The following DAPK1 variants were observed in gnomAD, a reference collection of about 807,000 sequenced individuals.
DAPK1 encodes the protein death associated protein kinase 1.
Under a neutral mutation model 144.9 loss-of-function variants are expected in DAPK1, and 56 were observed. That is an observed-to-expected ratio of 0.39 (90% confidence interval 0.31 to 0.48). DAPK1 has a LOEUF of 0.48. Ranked by LOEUF, DAPK1 falls within the 20% of genes least tolerant of loss-of-function variation. The probability of loss-of-function intolerance (pLI) is 0.95; values close to 1 mark genes in which losing one functional copy is unlikely to be tolerated. For synonymous variants in DAPK1, 690 were observed against 749.0 expected, an observed-to-expected ratio of 0.92 and a Z score of 1.29; for missense variants, 1,454 against 1,875.4, an observed-to-expected ratio of 0.78 and a Z score of 4.15.
At chr9:87,651,445 T>A in intron 16 of DAPK1, 82 bp from the exon 17 acceptor site, 1 of 1,390,020 alleles carries the variant, frequency 7.2e-7, no homozygotes, top group Non-Finnish European at 1.0e-6. Context: ...TAAACCTCAC[T>A]CGATGGCGGC....
At chr9:87,651,345 C>T (rs1001094364) in intron 16 of DAPK1, among the ~76,000 whole-genome samples, 182 bp from the exon 17 acceptor site, 2 of 152,166 alleles carry the variant, frequency 1.3e-5, no homozygotes, top group African/African-American at 4.8e-5. Flanking sequence ...TAAAGCTCCG[C>T]ATCCTCCCAG....
chr9:87,589,055 A>ATTTT (rs35875159), intron 2 of DAPK1, among the ~76,000 whole-genome samples: 1,774 of 100,988 alleles, frequency 0.018, 29 homozygotes, highest in African/African-American at 0.058. Flanking sequence ...CGCCCGGCTA[A>ATTTT]TTTTTTTTTT....
intron 14 of DAPK1, 42 bp from the exon 15 acceptor site, chr9:87,648,739 C>T (rs1830345099): frequency 6.4e-7 from 1 of 1,556,498 alleles, no homozygotes; most frequent in Non-Finnish European, 8.9e-7. Context: ...ATAGCCTGCT[C>T]ACAGATGTGG....
At chr9:87,651,773 C>T (rs1374989405) in intron 17 of DAPK1, 49 bp downstream of exon 17, 6 of 1,540,504 alleles carry the variant, frequency 3.9e-6, no homozygotes, top group African/African-American at 1.4e-5. Flanking sequence ...TGTCCATCCA[C>T]CCGATTCTGG....
At chr9:87,509,257 A>C (rs1197733648) in intron 2 of DAPK1, among the ~76,000 whole-genome samples, 1 of 152,256 alleles carries the variant, frequency 6.6e-6, no homozygotes, top group African/African-American at 2.4e-5. Context: ...AGCTGTCCTT[A>C]GGAATTTGGT....
At position 87,703,170 on chromosome 9, in the gene DAPK1, G is replaced by A. The variant is rs367611824; in HGVS notation, c.3013G>A (p.Glu1005Lys). Reference protein sequence around the residue: ...VQDQLNPLASEEDLRRIAQQL... With the variant: ...VQDQLNPLASKEDLRRIAQQL... ...GGACCAGCTGAACCCCCTGGCCAGC[G>A]AGGAGGACCTCAGGCGCATTGCTCA... Residue 1005 changes from glutamate (E) to lysine (K), a missense_variant, in exon 25 of 26, where the codon GAG (glutamate) becomes AAG (lysine). Glu to Lys is a moderately conservative substitution (Grantham distance 56). Transcript: ENST00000408954. 8.7e-6 allele frequency: 14 copies of A among 1,612,816 alleles called. No homozygotes were observed. The highest frequency in any genetic ancestry group is 4.5e-5 in the East Asian group (2 of 44,876).
chr9:87,520,704 G>C (rs1291248955), intron 2 of DAPK1, among the ~76,000 whole-genome samples: 1 of 152,174 alleles, frequency 6.6e-6, no homozygotes, highest in African/African-American at 2.4e-5. Context: ...GCTTAAAGAA[G>C]TTAAGCTTGA....
chr9:87,611,590 C>T (rs1377465280), intron 3 of DAPK1, among the ~76,000 whole-genome samples: 1 of 152,166 alleles, frequency 6.6e-6, no homozygotes, highest in East Asian at 1.9e-4. Flanking sequence ...TCCTGAGTAG[C>T]TGGGATTACA....
intron 7 of DAPK1, 144 bp downstream of exon 7, chr9:87,639,959 TTTAG>T: frequency 1.2e-6 from 1 of 863,152 alleles, no homozygotes; most frequent in Non-Finnish European, 1.8e-6. Context: ...CCAAAACATG[TTTAG>T]TTTATACTAA....
Position 87,706,533 on chromosome 9 carries a change from G to A in DAPK1, c.3462G>A (p.Arg1154=), listed in dbSNP as rs749309275. 9 of 1,614,008 alleles carry A rather than the reference G, an allele frequency of 5.6e-6. No individual in the cohort carries two copies. In the African/African-American group the frequency reaches 1.2e-4, roughly 22 times the overall value. The change falls in exon 26 of 26, where the codon CGG becomes CGA. Residue 1154 remains arginine (R), a synonymous_variant. Transcript: ENST00000408954. This position sits in a 1 kb window ranked among gnomAD's most constrained non-coding sequence, Gnocchi z 9.0. ...ACAAGGTCCAGGTGAACCTGTGCCG[G>A]TGGATCCACCAGCAAAGCACAGAGG... is the stretch of plus-strand genomic sequence containing the variant. ...IFHKVQVNLC[R]WIHQQSTEGD... is the part of the protein sequence containing the mutation.
intron 3 of DAPK1, among the ~76,000 whole-genome samples, chr9:87,626,691 AG>A (rs1337594934): frequency 2.0e-5 from 3 of 152,234 alleles, no homozygotes; most frequent in African/African-American, 7.2e-5. Flanking sequence ...AAAGACCATC[AG>A]TTAGGGAATG....
chr9:87,646,430 A>T, intron 12 of DAPK1, 31 bp from the exon 13 acceptor site: 1 of 1,541,090 alleles, frequency 6.5e-7, no homozygotes, highest in Non-Finnish European at 9.0e-7. Context: ...CCAAACCTGA[A>T]AATTAGTAAT....
chr9:87,689,847 T>C (rs1824996895), intron 21 of DAPK1, among the ~76,000 whole-genome samples: 1 of 152,230 alleles, frequency 6.6e-6, no homozygotes, highest in Non-Finnish European at 1.5e-5. Flanking sequence ...TTTTCTATTC[T>C]GTTCCATTGG....
Position 87,499,122 on chromosome 9 carries a change from C to A in DAPK1, c.45C>A (p.Thr15=). The change falls in exon 2 of 26, where the codon ACC becomes ACA. Residue 15 remains threonine (T), a synonymous_variant. Transcript: ENST00000408954. ...RQENVDDYYD[T]GEELGSGQFA... ...AAAACGTGGATGATTACTACGACACCGGCGAGGAACTTGGCAGGTAAAGGG... is the reference window on the plus strand; with the variant it reads ...AAAACGTGGATGATTACTACGACACAGGCGAGGAACTTGGCAGGTAAAGGG... 1 of 1,613,918 alleles carries A rather than the reference C, an allele frequency of 6.2e-7. No individual in the cohort carries two copies. The highest frequency in any genetic ancestry group is 1.3e-5 in the African/African-American group (1 of 74,984).
At chr9:87,577,790 C>G (rs1827618538) in intron 2 of DAPK1, among the ~76,000 whole-genome samples, 1 of 152,120 alleles carries the variant, frequency 6.6e-6, no homozygotes, top group African/African-American at 2.4e-5. Context: ...GAGCGAGACT[C>G]TGTCTCAGGA....
At chr9:87,512,792 C>T (rs1824899526) in intron 2 of DAPK1, among the ~76,000 whole-genome samples, 1 of 152,100 alleles carries the variant, frequency 6.6e-6, no homozygotes, top group Non-Finnish European at 1.5e-5. Flanking sequence ...AGGTGTGTGC[C>T]ACCATGCCCA....
Position 87,650,030 on chromosome 9 carries a change from C to T in DAPK1, c.1538C>T (p.Thr513Met), listed in dbSNP as rs778729228. Residue 513 changes from threonine to methionine, a missense_variant, in exon 16 of 26, where the codon ACG becomes ATG. By Grantham distance (81) the Thr-to-Met change is moderately conservative. This residue lies in a region of DAPK1 where 1,025 missense variants were observed against 1,237.9 expected (regional missense o/e 0.83). Transcript: ENST00000408954. ...NVNIKNREGE[T>M]PLLTASARGY... is the part of the protein sequence containing the mutation. ...AACATCAAGAACCGAGAAGGAGAGA[C>T]GCCCCTCCTGACAGCCTCTGCCAGG... is the stretch of plus-strand genomic sequence containing the variant. The T allele has an allele frequency of 6.2e-6, 10 of 1,614,040 alleles. No individual in the cohort carries two copies. The highest frequency in any genetic ancestry group is 3.3e-5 in the Admixed American group (2 of 60,008).
In DAPK1 at chr9:87,706,195, A is replaced by G. The variant is rs1331314682; in HGVS notation, c.3124A>G (p.Thr1042Ala). Residue 1042 changes from threonine (T) to alanine (A), a missense_variant, in exon 26 of 26, where the codon ACA becomes GCA. Thr to Ala is a moderately conservative substitution (Grantham distance 58, BLOSUM62 0). This residue lies in a region of DAPK1 where 1,025 missense variants were observed against 1,237.9 expected (regional missense o/e 0.83). Coordinates refer to ENST00000408954, the MANE Select transcript of DAPK1 (RefSeq NM_004938.4). This position sits in a 1 kb window ranked among gnomAD's most constrained non-coding sequence, Gnocchi z 9.0. ...GCTCCTGGACCCCCGCTGGCTCTGC[A>G]CAAACGTCCTGGGGAAGTTGCTGTC... Reference protein sequence around the residue: ...VLLLDPRWLCTNVLGKLLSVE... With the variant: ...VLLLDPRWLCANVLGKLLSVE... The G allele has an allele frequency of 6.2e-7, 1 of 1,612,476 alleles. No homozygotes were observed. The highest frequency in any genetic ancestry group is 1.1e-5 in the South Asian group (1 of 91,036).
intron 2 of DAPK1, among the ~76,000 whole-genome samples, chr9:87,582,360 T>A (rs1305920073): frequency 6.6e-6 from 1 of 152,192 alleles, no homozygotes; most frequent in Non-Finnish European, 1.5e-5. Flanking sequence ...GCGTCTAGCC[T>A]GTTGGAGCTT....
Sources: allele counts gnomAD v4.1 joint callset (sites outside exome capture counted in the v4.1 genomes callset), GRCh38; gene constraint gnomAD v4.1.1; regional missense constraint gnomAD v4.1.1; non-coding constraint Gnocchi (gnomAD v3.1); transcripts MANE v1.5; gene names NCBI Gene and HGNC (gene_info 2026-07-23, HGNC 2026-07-21).